KISS1R: variants seen among roughly 807,000 people sequenced by gnomAD.
KISS1R encodes the protein kiSS-1 receptor.
KISS1R carries 19 observed loss-of-function variants against 22.0 expected under a neutral mutation model. The ratio of observed to expected loss-of-function variants is 0.86; its 90% CI spans 0.60 to 1.26. KISS1R has a LOEUF of 1.26. Among genes scored for constraint, KISS1R ranks in the 50% most tolerant of loss-of-function variants. KISS1R has a pLI of 0.00. For missense variants in KISS1R, 653 were observed against 581.9 expected (o/e 1.12, Z -1.26); for synonymous variants, 302 against 283.9 (o/e 1.06, Z -0.64).
At position 920,098 on chromosome 19, in the gene KISS1R, G is replaced by T; in HGVS notation, c.730G>T (p.Ala244Ser). The change falls in exon 4 of 5, where the codon GCC (alanine) becomes TCC (serine). Residue 244 changes from alanine (A) to serine (S), a missense_variant. By Grantham distance (99) the Ala-to-Ser change is moderately conservative. Transcript: ENST00000234371. Reference protein sequence around the residue: ...VAVRPAPADSALQGQVLAERA... With the variant: ...VAVRPAPADSSLQGQVLAERA... ...CGTGCGCCCCGCGCCCGCCGATAGCGCCCTGCAGGTGCGCGGCGTGGGTGG... is the reference window on the plus strand; with the variant it reads ...CGTGCGCCCCGCGCCCGCCGATAGCTCCCTGCAGGTGCGCGGCGTGGGTGG... 2 of 1,509,210 alleles carry T rather than the reference G, an allele frequency of 1.3e-6. No individual in the cohort carries two copies. Among genetic ancestry groups the T allele is most frequent in the Non-Finnish European group, 1.8e-6 (2 of 1,136,314 alleles). The allele number at this position is 1,509,210 out of a possible 1,614,324, so 93.5% of individuals were successfully genotyped here. A position where few individuals can be genotyped will look rare whatever the true frequency, so the allele number is the denominator to read the frequency against.
At position 920,115 on chromosome 19, in the gene KISS1R, C is replaced by T; in HGVS notation, c.738+9C>T. On this transcript the variant is annotated intron_variant, in intron 4 of 4. Transcript: ENST00000234371. ...CCGATAGCGCCCTGCAGGTGCGCGG[C>T]GTGGGTGGGAGGACAGCAAGGCTGG... The T allele has an allele frequency of 2.0e-6, 3 of 1,491,176 alleles. No individual in the cohort carries two copies. The highest frequency in any genetic ancestry group is 2.7e-6 in the Non-Finnish European group (3 of 1,128,936). 92.4% of individuals were successfully genotyped at this position (1,491,176 alleles called of 1,614,324 possible).
Position 917,421 on chromosome 19 carries a change from G to T in KISS1R, c.-82G>T. ...CCTGAGTTCCACAGGCGCAGCCCCC[G>T]GGCGGTCGGGCGGAGGGGTCCCCGG... On this transcript the variant is annotated 5_prime_UTR_variant, in exon 1 of 5. Coordinates refer to ENST00000234371, the MANE Select transcript of KISS1R (RefSeq NM_032551.5). The T allele has an allele frequency of 7.4e-7, 1 of 1,360,384 alleles. No individual in the cohort carries two copies. Among genetic ancestry groups the T allele is most frequent in the Non-Finnish European group, 9.4e-7 (1 of 1,060,316 alleles). 84.3% of individuals were successfully genotyped at this position (1,360,384 alleles called of 1,614,324 possible).
chr19:919,067 A>G (rs1026617020), intron 2 of KISS1R, among the ~76,000 whole-genome samples: 23 of 141,176 alleles, frequency 1.6e-4, no homozygotes, highest in Admixed American at 1.3e-3. Flanking sequence ...AACGCATAGG[A>G]GAACCAGGGG....
rs1298938090 is a variant in KISS1R at position 920,570 on chromosome 19, G to C, written c.1019G>C (p.Cys340Ser). Residue 340 changes from cysteine to serine, a missense_variant, in exon 5 of 5, where the codon TGC becomes TCC. Physicochemically the swap from Cys to Ser is moderately radical, Grantham distance 112. Coordinates refer to ENST00000234371, the MANE Select transcript of KISS1R (RefSeq NM_032551.5). ...FRQAFRRVCP[C>S]APRRPRRPRR... Reference sequence around the variant, plus strand: ...CAGGCCTTCCGCCGCGTCTGCCCCTGCGCGCCGCGCCGCCCCCGCCGCCCC... The same window carrying C: ...CAGGCCTTCCGCCGCGTCTGCCCCTCCGCGCCGCGCCGCCCCCGCCGCCCC... 2 of 1,534,438 alleles carry C rather than the reference G, an allele frequency of 1.3e-6. No individual in the cohort carries two copies. The highest frequency in any genetic ancestry group is 2.9e-5 in the African/African-American group (2 of 70,048).
Position 917,442 on chromosome 19 carries a change from C to A in KISS1R, c.-61C>A. ...CCCCGGGCGGTCGGGCGGAGGGGTC[C>A]CCGGGGCGGTGCCAGGGCGCAATCC... On this transcript the variant is annotated 5_prime_UTR_variant, in exon 1 of 5. Coordinates refer to ENST00000234371, the MANE Select transcript of KISS1R (RefSeq NM_032551.5). 1 of 1,381,264 alleles carries A rather than the reference C, an allele frequency of 7.2e-7. No individual in the cohort carries two copies. The highest frequency in any genetic ancestry group is 9.3e-7 in the Non-Finnish European group (1 of 1,075,628). The allele number at this position is 1,381,264 out of a possible 1,614,324, so 85.6% of individuals were successfully genotyped here.
At chr19:918,383 C>T (rs960196394) in intron 1 of KISS1R, among the ~76,000 whole-genome samples, 161 bp from the exon 2 acceptor site, 3 of 144,538 alleles carry the variant, frequency 2.1e-5, no homozygotes, top group Non-Finnish European at 3.0e-5. Context: ...CCAACTTCTC[C>T]GCCCGAGGAG....
At chr19:920,158 G>A (rs1043935268) in intron 4 of KISS1R, 52 bp downstream of exon 4, 69 of 1,476,102 alleles carry the variant, frequency 4.7e-5, no homozygotes, top group Non-Finnish European at 5.8e-5. Flanking sequence ...GGGAGGCACC[G>A]TGGTGGGAGG....
rs749123047 is a variant in KISS1R at position 919,494 on chromosome 19, C to T, written c.374C>T (p.Ser125Leu). The change falls in exon 3 of 5, where the codon TCG becomes TTG. Residue 125 changes from serine (S) to leucine (L), a missense_variant. By Grantham distance (145) the Ser-to-Leu change is moderately radical. Transcript: ENST00000234371. ...CCCGGCTGGCGGCTCCCGCAGGTCTCGGTGCAGGCCACGTGTGCCACTCTG... is the reference window on the plus strand; with the variant it reads ...CCCGGCTGGCGGCTCCCGCAGGTCTTGGTGCAGGCCACGTGTGCCACTCTG... ...CKFVNYIQQV[S>L]VQATCATLTA... 1.4e-5 allele frequency: 21 copies of T among 1,550,370 alleles called. No homozygotes were observed. The highest frequency in any genetic ancestry group is 1.7e-5 in the Non-Finnish European group (20 of 1,153,806).
intron 2 of KISS1R, among the ~76,000 whole-genome samples, chr19:919,201 G>A (rs1414682982): frequency 2.0e-5 from 3 of 151,834 alleles, no homozygotes; most frequent in Non-Finnish European, 4.4e-5. Context: ...GGCTACTGAG[G>A]CCCTGAGGCT....
chr19:919,571 C>A lies in KISS1R; in HGVS notation c.451C>A (p.Leu151Met). 6.4e-7 allele frequency: 1 copy of A among 1,556,816 alleles called. No homozygotes were observed. Among genetic ancestry groups the A allele is most frequent in the Non-Finnish European group, 8.7e-7 (1 of 1,154,350 alleles). Residue 151 changes from leucine to methionine, a missense_variant, in exon 3 of 5, where the codon CTG becomes ATG. Transcript: ENST00000234371. ...WYVTVFPLRA[L>M]HRRTPRLALA... is the part of the protein sequence containing the mutation. ...CGTGACGGTGTTCCCGTTGCGCGCC[C>A]TGCACCGCCGCACGCCCCGCCTGGC...
At position 918,619 on chromosome 19, in the gene KISS1R, G is replaced by A. The variant is rs1308801153; in HGVS notation, c.320G>A (p.Gly107Asp). The A allele has an allele frequency of 6.4e-7, 1 of 1,551,390 alleles. No individual in the cohort carries two copies. Among genetic ancestry groups the A allele is most frequent in the East Asian group, 2.4e-5 (1 of 41,016 alleles). ...PFTALLYPLPGWVLGDFMCKF... is the reference protein window; with the variant it reads ...PFTALLYPLPDWVLGDFMCKF... ...ACGGCCCTGCTGTACCCGCTGCCCG[G>A]CTGGGTGCTGGGCGACTTCATGTGC... Residue 107 changes from glycine to aspartate, a missense_variant, in exon 2 of 5, where the codon GGC becomes GAC. Physicochemically the swap from Gly to Asp is moderately conservative, Grantham distance 94 (BLOSUM62 -1). Transcript: ENST00000234371.
rs2037115280 is a variant in KISS1R, at chr19:920,735, A to C, written c.1184A>C (p.Asn395Thr). ...GGGCTGTGCGTCCTGGGGGAGGACA[A>C]CGCCCCTCTCTGAGCGGACCCGGTG... is the stretch of plus-strand genomic sequence containing the variant. ...ARGLCVLGEDNAPL is the reference protein window; with the variant it reads ...ARGLCVLGEDTAPL The change falls in exon 5 of 5, where the codon AAC becomes ACC. Residue 395 changes from asparagine (N) to threonine (T), a missense_variant. By Grantham distance (65) the Asn-to-Thr change is moderately conservative. Transcript: ENST00000234371. The C allele has an allele frequency of 7.7e-7, 1 of 1,293,266 alleles. No homozygotes were observed. The highest frequency in any genetic ancestry group is 2.9e-5 in the South Asian group (1 of 34,390). 80.1% of individuals were successfully genotyped at this position (1,293,266 alleles called of 1,614,324 possible). A position where few individuals can be genotyped will look rare whatever the true frequency, so the allele number is the denominator to read the frequency against.
rs1351108059 is a variant in KISS1R, at chr19:919,932, C to T, written c.564C>T (p.Arg188=). 3 of 1,563,450 alleles carry T rather than the reference C, an allele frequency of 1.9e-6. No homozygotes were observed. The highest frequency in any genetic ancestry group is 1.4e-5 in the African/African-American group (1 of 73,522). ...LALHRLSPGP[R]AYCSEAFPSR... ...TGCACCGCCTGTCACCCGGGCCGCG[C>T]GCCTACTGCAGTGAGGCCTTCCCCA... The change falls in exon 4 of 5, where the codon CGC becomes CGT. Residue 188 remains arginine, a synonymous_variant. Transcript: ENST00000234371.
chr19:919,859 T>C lies in KISS1R; in HGVS notation c.506-15T>C. On this transcript the variant is annotated splice_polypyrimidine_tract_variant and intron_variant, in intron 3 of 4. Transcript: ENST00000234371. ...GGTTCCCCGAGCGGGGTCTTCATCC[T>C]GGCTTGTGGCACAGGCTCTGCGGCG... is the stretch of plus-strand genomic sequence containing the variant. 6.5e-7 allele frequency: 1 copy of C among 1,535,374 alleles called. No homozygotes were observed. The highest frequency in any genetic ancestry group is 8.7e-7 in the Non-Finnish European group (1 of 1,145,734).
rs762103898 is a variant in KISS1R, at chr19:919,969, G to C, written c.601G>C (p.Glu201Gln). The change falls in exon 4 of 5, where the codon GAG becomes CAG. Residue 201 changes from glutamate to glutamine, a missense_variant. Glu to Gln is a conservative substitution (Grantham distance 29). Coordinates refer to ENST00000234371, the MANE Select transcript of KISS1R (RefSeq NM_032551.5). ...TGAGGCCTTCCCCAGCCGCGCCCTG[G>C]AGCGCGCCTTCGCACTGTACAACCT... ...CSEAFPSRAL[E>Q]RAFALYNLLA... is the part of the protein sequence containing the mutation. The C allele has an allele frequency of 6.4e-7, 1 of 1,570,534 alleles. No homozygotes were observed. The highest frequency in any genetic ancestry group is 8.6e-7 in the Non-Finnish European group (1 of 1,160,950).
intron 2 of KISS1R, among the ~76,000 whole-genome samples, chr19:919,043 G>C (rs1390792484): frequency 6.6e-6 from 1 of 150,826 alleles, no homozygotes; most frequent in African/African-American, 2.4e-5. Context: ...CGGACCTTGG[G>C]CGGGGCGCGA....
chr19:919,271 GC>G (rs1360110410), intron 2 of KISS1R, among the ~76,000 whole-genome samples: 3 of 152,058 alleles, frequency 2.0e-5, no homozygotes, highest in Non-Finnish European at 4.4e-5. Context: ...CGGGGTATCA[GC>G]CGCCCCCCAA....
chr19:918,513 C>T, intron 1 of KISS1R, 31 bp from the exon 2 acceptor site: 1 of 1,540,158 alleles, frequency 6.5e-7, no homozygotes, highest in Non-Finnish European at 8.7e-7. Context: ...CAGTGGCGCC[C>T]ACGCCCAGCG....
chr19:917,880 C>T, intron 1 of KISS1R, 134 bp downstream of exon 1: 1 of 1,086,994 alleles, frequency 9.2e-7, no homozygotes, highest in East Asian at 2.9e-5. Context: ...CCCCCCCAAC[C>T]TCGAATCTTT....
Sources: gnomAD v4.1 joint callset for allele counts (sites outside exome capture counted in the v4.1 genomes callset) on GRCh38, gnomAD v4.1.1 for gene constraint, MANE v1.5 for transcripts, NCBI Gene and HGNC (gene_info 2026-07-23, HGNC 2026-07-21) for gene names.